AMMECR1: variants seen among roughly 807,000 people sequenced by gnomAD.
AMMECR1 encodes the protein AMMECR nuclear protein 1.
A neutral mutation model predicts 22.5 loss-of-function variants in AMMECR1; 3 were observed. The ratio of observed to expected loss-of-function variants is 0.13; its 90% CI spans 0.06 to 0.35. The LOEUF is 0.35. AMMECR1 is among the 10% of genes least tolerant of loss of function. The probability of loss-of-function intolerance (pLI) is 1.00; values close to 1 mark genes in which losing one functional copy is unlikely to be tolerated. For missense variants in AMMECR1, 235 were observed against 278.7 expected, an observed-to-expected ratio of 0.84 and a Z score of 1.12; for synonymous variants, 130 against 116.7, an observed-to-expected ratio of 1.11 and a Z score of -0.74.
At chrX:110,324,814 A>G (rs1177091114) in intron 2 of AMMECR1, among the ~76,000 whole-genome samples, 1 of 110,992 alleles carries the variant, frequency 9.0e-6, no homozygotes, top group Non-Finnish European at 1.9e-5. Flanking sequence ...GGGATAGTAA[A>G]TCAACCTTCC....
At chrX:110,348,838 C>T (rs1233398711) in intron 2 of AMMECR1, among the ~76,000 whole-genome samples, 2 of 111,534 alleles carry the variant, frequency 1.8e-5, no homozygotes, top group East Asian at 5.6e-4. Flanking sequence ...TGTTGCTAAC[C>T]CTAAGAAAGG....
chrX:110,332,364 T>G (rs2068124067), intron 2 of AMMECR1, among the ~76,000 whole-genome samples: 1 of 111,710 alleles, frequency 9.0e-6, no homozygotes, highest in South Asian at 3.8e-4. Flanking sequence ...TATATCTTTT[T>G]CTTCTTAAAT....
intron 1 of AMMECR1, among the ~76,000 whole-genome samples, chrX:110,303,219 T>C (rs965475465): frequency 1.8e-5 from 2 of 111,632 alleles, no homozygotes; most frequent in African/African-American, 3.3e-5. Flanking sequence ...TGTAGCCCAA[T>C]GGAGACAGGA....
intron 2 of AMMECR1, among the ~76,000 whole-genome samples, chrX:110,234,725 A>G (rs1371911919): frequency 2.7e-5 from 3 of 111,528 alleles, no homozygotes; most frequent in African/African-American, 9.8e-5. Context: ...AACAAGAAAT[A>G]GGGAAAGGAT....
At chrX:110,381,270 T>C (rs925646601) in intron 2 of AMMECR1, among the ~76,000 whole-genome samples, 5 of 111,715 alleles carry the variant, frequency 4.5e-5, no homozygotes, top group African/African-American at 1.6e-4. Flanking sequence ...GCAAAGGACA[T>C]GAACAGACGC....
At chrX:110,367,071 G>A (rs1156727300) in intron 2 of AMMECR1, among the ~76,000 whole-genome samples, 1 of 111,853 alleles carries the variant, frequency 8.9e-6, no homozygotes, top group Non-Finnish European at 1.9e-5. Flanking sequence ...CACTGTGAGC[G>A]AACCATCTGG....
At position 110,347,592 on chromosome X, in the gene AMMECR1, A is replaced by G. The variant is rs1164425600; in HGVS notation, c.-147-29743T>C. Among the ~76,000 whole-genome samples, 4 of 112,899 alleles carry G rather than the reference A, an allele frequency of 3.5e-5. No homozygotes were observed. In the Admixed American group the frequency reaches 3.7e-4, roughly 11 times the overall value. ...GATAGGTAAGCACCTTATTATCTGT[A>G]TTTGGCAGGCTTAGACATATTGCTG... is the stretch of plus-strand genomic sequence containing the variant. On this transcript the variant is annotated intron_variant, in intron 2 of 7. Transcript: ENST00000372057.
chrX:110,243,988 A>G (rs2067645920), intron 2 of AMMECR1, among the ~76,000 whole-genome samples: 1 of 111,557 alleles, frequency 9.0e-6, no homozygotes, highest in African/African-American at 3.3e-5. Flanking sequence ...ATTAAAAATG[A>G]CTCTTTAACA....
At chrX:110,228,773 A>G (rs2067547155) in intron 2 of AMMECR1, among the ~76,000 whole-genome samples, 1 of 108,279 alleles carries the variant, frequency 9.2e-6, no homozygotes. Context: ...TTTCTTATCC[A>G]CTCCACTCCC....
At chrX:110,296,702 A>G (rs907261805) in intron 1 of AMMECR1, among the ~76,000 whole-genome samples, 11 of 111,117 alleles carry the variant, frequency 9.9e-5, no homozygotes, top group African/African-American at 3.3e-4. Flanking sequence ...CAGATTTTCT[A>G]TTTGGTTCTT....
intron 2 of AMMECR1, among the ~76,000 whole-genome samples, chrX:110,350,329 C>G (rs1467300960): frequency 1.8e-5 from 2 of 111,427 alleles, no homozygotes; most frequent in Non-Finnish European, 3.8e-5. Flanking sequence ...TATAGAGACC[C>G]AACAGATAAC....
At chrX:110,406,679 CA>C (rs906709134) in intron 2 of AMMECR1, among the ~76,000 whole-genome samples, 1 of 112,060 alleles carries the variant, frequency 8.9e-6, no homozygotes, top group African/African-American at 3.3e-5. Context: ...GAAGAATCTC[CA>C]GTGTCTTCCA....
In AMMECR1 at chrX:110,228,569, G is replaced by T. The variant is rs182643900; in HGVS notation, c.585-11937C>A. On this transcript the variant is annotated intron_variant, in intron 2 of 5. Transcript: ENST00000262844. ...TGCAAAGAGGAAAATGATGCCTAGGGCACCAGGGAATAGCTAAAACAGTGA... is the reference window on the plus strand; with the variant it reads ...TGCAAAGAGGAAAATGATGCCTAGGTCACCAGGGAATAGCTAAAACAGTGA... Among the ~76,000 whole-genome samples, 700 of 111,230 alleles carry T rather than the reference G, an allele frequency of 6.3e-3. 4 individuals are homozygous for T. Among genetic ancestry groups the T allele is most frequent in the Middle Eastern group, 0.019 (4 of 216 alleles).
chrX:110,427,880 G>C (rs1437723158), intron 1 of AMMECR1, among the ~76,000 whole-genome samples: 1 of 111,534 alleles, frequency 9.0e-6, no homozygotes, highest in African/African-American at 3.3e-5. Flanking sequence ...TCCCACTGCT[G>C]TGCCCATCCC....
chrX:110,201,322 G>A (rs1329778203), intron 4 of AMMECR1, among the ~76,000 whole-genome samples: 1 of 111,827 alleles, frequency 8.9e-6, no homozygotes, highest in Non-Finnish European at 1.9e-5. Flanking sequence ...TAAGGGGCTG[G>A]CAGAAATTGC....
Position 110,241,799 on chromosome X carries a change from C to A in AMMECR1, c.584+22690G>T, listed in dbSNP as rs767677498. 1.8e-4 allele frequency among the ~76,000 whole-genome samples: 20 copies of A among 111,566 alleles called. No homozygotes were observed. In the Admixed American group the frequency reaches 1.9e-3, roughly 11 times the overall value. On this transcript the variant is annotated intron_variant, in intron 2 of 5. Coordinates refer to ENST00000262844, the MANE Select transcript of AMMECR1 (RefSeq NM_015365.3). The stretch of plus-strand genomic sequence containing the variant: ...GTTATAGACCGACACACAAAAAAAA[C>A]AAACATAATAAAAAGCCAAAACAAC...
chrX:110,367,971 CTAA>C (rs1452435410), intron 2 of AMMECR1, among the ~76,000 whole-genome samples: 8 of 66,064 alleles, frequency 1.2e-4, no homozygotes, highest in Middle Eastern at 7.6e-3. Context: ...ACAGTGCTGG[CTAA>C]TTATTATTAT....
chrX:110,413,072 C>T (rs2068652012), intron 2 of AMMECR1, among the ~76,000 whole-genome samples: 1 of 111,648 alleles, frequency 9.0e-6, no homozygotes, highest in Non-Finnish European at 1.9e-5. Flanking sequence ...CCTCCCTGCT[C>T]GTCATCTGTC....
intron 2 of AMMECR1, among the ~76,000 whole-genome samples, chrX:110,381,770 G>A (rs777587269): frequency 6.3e-4 from 70 of 110,675 alleles, no homozygotes; most frequent in Non-Finnish European, 1.1e-3. Flanking sequence ...TCCTTTATGG[G>A]AACATGGATG....
Sources: gnomAD v4.1 joint callset for allele counts (sites outside exome capture counted in the v4.1 genomes callset) on GRCh38, gnomAD v4.1.1 for gene constraint, MANE v1.5 for transcripts, NCBI Gene and HGNC (gene_info 2026-07-23, HGNC 2026-07-21) for gene names.